The following CTNNA2 variants were observed in gnomAD, a reference collection of about 807,000 sequenced individuals.
The protein encoded by CTNNA2 is catenin alpha 2.
CTNNA2 carries 42 observed loss-of-function variants against 101.0 expected under a neutral mutation model. That is an observed-to-expected ratio of 0.42 (90% CI 0.32 to 0.54). The LOEUF (loss-of-function observed/expected upper bound fraction) is 0.54, where lower values mean the gene tolerates loss of function less well. CTNNA2 is among the 20% of genes least tolerant of loss of function. CTNNA2 has a pLI of 0.14. For synonymous variants in CTNNA2, 450 were observed against 456.4 expected, an observed-to-expected ratio of 0.99 and a Z score of 0.18; for missense variants, 871 against 1,223.1, an observed-to-expected ratio of 0.71 and a Z score of 4.29.
chr2:80,051,620 G>A (rs761147738), intron 7 of CTNNA2, among the ~76,000 whole-genome samples: 2 of 152,216 alleles, frequency 1.3e-5, no homozygotes, highest in East Asian at 3.9e-4. Flanking sequence ...TTGAAAAACA[G>A]CAACAATGAA....
intron 3 of CTNNA2, among the ~76,000 whole-genome samples, chr2:79,772,388 A>C (rs1673651752): frequency 6.6e-6 from 1 of 152,276 alleles, no homozygotes; most frequent in African/African-American, 2.4e-5. Flanking sequence ...TCTCTTTAAT[A>C]AAAAGATGCA....
intron 3 of CTNNA2, among the ~76,000 whole-genome samples, chr2:79,775,355 T>C (rs1673882830): frequency 6.6e-6 from 1 of 152,222 alleles, no homozygotes; most frequent in Non-Finnish European, 1.5e-5. Context: ...TAATGATCTA[T>C]TTAGTACATT....
intron 2 of CTNNA2, among the ~76,000 whole-genome samples, chr2:79,286,753 G>A (rs997428285): frequency 3.3e-5 from 5 of 152,000 alleles, no homozygotes; most frequent in African/African-American, 1.2e-4. Context: ...TCTTCTCGAG[G>A]AGTATCTTTG....
chr2:79,512,705 C>A (rs567897725), upstream of CTNNA2, among the ~76,000 whole-genome samples: 1 of 151,940 alleles, frequency 6.6e-6, no homozygotes, highest in South Asian at 2.1e-4. Context: ...CGGCGGTGCC[C>A]CTTCGCCGCC....
intron 3 of CTNNA2, among the ~76,000 whole-genome samples, chr2:79,773,049 T>C (rs1407451883): frequency 6.6e-6 from 1 of 152,160 alleles, no homozygotes; most frequent in Non-Finnish European, 1.5e-5. Context: ...TCCATGTCCA[T>C]TTACTTCCAG....
chr2:80,589,597 G>T, intron 15 of CTNNA2, 112 bp downstream of exon 15: 2 of 971,100 alleles, frequency 2.1e-6, no homozygotes, highest in South Asian at 1.9e-5. Flanking sequence ...AACGCAAGGT[G>T]GTGGTATTAT....
chr2:79,941,108 C>T (rs1386756343), intron 7 of CTNNA2, among the ~76,000 whole-genome samples: 1 of 152,222 alleles, frequency 6.6e-6, no homozygotes, highest in East Asian at 1.9e-4. Context: ...TATGTGGATT[C>T]TGCAGATCCC....
In CTNNA2 at chr2:79,336,449, A is replaced by T. The variant is rs535781882; in HGVS notation, c.-318+23653A>T. On this transcript the variant is annotated intron_variant, in intron 3 of 21. Coordinates refer to the CTNNA2 transcript ENST00000466387. Reference sequence around the variant, plus strand: ...CCTTGCCATATGTCCATCTCCTATTACTGGTTTTGAGTTCTGGGTTTCCTG... The same window carrying T: ...CCTTGCCATATGTCCATCTCCTATTTCTGGTTTTGAGTTCTGGGTTTCCTG... Among the ~76,000 whole-genome samples, 9 of 152,166 alleles carry T rather than the reference A, an allele frequency of 5.9e-5. No individual in the cohort carries two copies. In the South Asian group the frequency reaches 1.9e-3, roughly 32 times the overall value.
intron 7 of CTNNA2, among the ~76,000 whole-genome samples, chr2:80,113,333 G>C (rs1278236402): frequency 6.6e-6 from 1 of 152,194 alleles, no homozygotes; most frequent in Non-Finnish European, 1.5e-5. Context: ...AATCACAATT[G>C]TATTGACGTA....
chr2:80,221,168 C>T (rs1708554436), intron 7 of CTNNA2, among the ~76,000 whole-genome samples: 1 of 152,236 alleles, frequency 6.6e-6, no homozygotes, highest in Admixed American at 6.5e-5. Context: ...CAGGCGTGAG[C>T]CACCTTGCCC....
At chr2:79,695,733 T>G (rs1205173888) in intron 2 of CTNNA2, among the ~76,000 whole-genome samples, 1 of 151,964 alleles carries the variant, frequency 6.6e-6, no homozygotes, top group Non-Finnish European at 1.5e-5. Flanking sequence ...GTTTTAGCCC[T>G]TAGAGAAGAA....
chr2:80,142,393 G>A (rs1703069818), intron 7 of CTNNA2, among the ~76,000 whole-genome samples: 1 of 152,124 alleles, frequency 6.6e-6, no homozygotes, highest in South Asian at 2.1e-4. Context: ...CGCACTGAGT[G>A]AGCAGACCCC....
At chr2:79,382,023 G>C (rs1678045329) in intron 4 of CTNNA2, among the ~76,000 whole-genome samples, 1 of 152,198 alleles carries the variant, frequency 6.6e-6, no homozygotes. Flanking sequence ...TTCTGGAAGA[G>C]ATTATCATTT....
intron 3 of CTNNA2, among the ~76,000 whole-genome samples, chr2:79,356,380 A>G (rs1218603234): frequency 5.3e-5 from 8 of 152,110 alleles, no homozygotes; most frequent in Admixed American, 5.2e-4. Context: ...AATTGCAAAT[A>G]TTTCTTCCAT....
chr2:80,332,118 A>G (rs1671386879), intron 7 of CTNNA2, among the ~76,000 whole-genome samples: 1 of 152,132 alleles, frequency 6.6e-6, no homozygotes, highest in Non-Finnish European at 1.5e-5. Context: ...CAGGAATGAC[A>G]CTGTCCTTCT....
chr2:79,970,744 A>G (rs969737211), intron 7 of CTNNA2, among the ~76,000 whole-genome samples: 1 of 152,124 alleles, frequency 6.6e-6, no homozygotes, highest in Non-Finnish European at 1.5e-5. Context: ...TACTGTGAGG[A>G]AAGCAATTTG....
At chr2:80,093,855 TG>T (rs1699959282) in intron 7 of CTNNA2, among the ~76,000 whole-genome samples, 1 of 152,132 alleles carries the variant, frequency 6.6e-6, no homozygotes, top group Non-Finnish European at 1.5e-5. Flanking sequence ...TGGGGTTGTT[TG>T]TTTTTTTCTT....
At chr2:80,639,245 T>C (rs1197760685) in intron 18 of CTNNA2, among the ~76,000 whole-genome samples, 1 of 152,196 alleles carries the variant, frequency 6.6e-6, no homozygotes, top group South Asian at 2.1e-4. Context: ...AGTCTGTTTC[T>C]GTCACCCAGG....
intron 7 of CTNNA2, among the ~76,000 whole-genome samples, chr2:79,947,942 T>C (rs972146228): frequency 2.0e-5 from 3 of 152,178 alleles, no homozygotes; most frequent in Admixed American, 6.5e-5. Context: ...GGGGACTGTG[T>C]GGCAACAGTG....
Sources: gnomAD v4.1 joint callset for allele counts (sites outside exome capture counted in the v4.1 genomes callset) on GRCh38, gnomAD v4.1.1 for gene constraint, MANE v1.5 for transcripts, NCBI Gene and HGNC (gene_info 2026-07-23, HGNC 2026-07-21) for gene names.